DLGAP2: variants seen among roughly 807,000 people sequenced by gnomAD.
DLGAP2 encodes DLG associated protein 2.
Under a neutral mutation model 100.3 loss-of-function variants are expected in DLGAP2, and 26 were observed. The ratio of observed to expected loss-of-function variants is 0.26; its 90% CI spans 0.19 to 0.36. The LOEUF is 0.36. DLGAP2 is among the 10% of genes least tolerant of loss of function. The probability of loss-of-function intolerance (pLI) is 1.00; values close to 1 mark genes in which losing one functional copy is unlikely to be tolerated. For missense variants in DLGAP2, 1,858 were observed against 1,453.2 expected (o/e 1.28, Z -4.53); for synonymous variants, 886 against 630.1 (o/e 1.41, Z -6.08).
intron 6 of DLGAP2, among the ~76,000 whole-genome samples, chr8:1,591,350 G>A (rs1796284803): frequency 6.6e-6 from 1 of 152,190 alleles, no homozygotes; most frequent in South Asian, 2.1e-4. Flanking sequence ...GAGGATGGAG[G>A]AGAAAGAAGG....
At chr8:1,159,231 C>T (rs1167404256) in intron 2 of DLGAP2, among the ~76,000 whole-genome samples, 3 of 152,206 alleles carry the variant, frequency 2.0e-5, no homozygotes, top group African/African-American at 7.2e-5. Context: ...TGTTTTGGTT[C>T]TTGTTCCATC....
chr8:886,139 C>T (rs1213664038), intron 1 of DLGAP2, among the ~76,000 whole-genome samples: 5 of 152,108 alleles, frequency 3.3e-5, no homozygotes, highest in African/African-American at 1.2e-4. Context: ...AGGGTATATG[C>T]ATCCAGGAAT....
At chr8:1,448,748 C>G (rs907687218) in intron 3 of DLGAP2, among the ~76,000 whole-genome samples, 5 of 152,204 alleles carry the variant, frequency 3.3e-5, no homozygotes, top group African/African-American at 9.6e-5. Flanking sequence ...GGAGACCCAA[C>G]ATTTTTGTTC....
At chr8:1,627,780 G>C (rs1002095479) in intron 7 of DLGAP2, among the ~76,000 whole-genome samples, 14 of 151,988 alleles carry the variant, frequency 9.2e-5, no homozygotes, top group Admixed American at 2.0e-4. Flanking sequence ...CTGTGGAGCA[G>C]GGATTAAGAG....
At chr8:1,507,793 C>G (rs569030361) in intron 4 of DLGAP2, among the ~76,000 whole-genome samples, 1 of 150,922 alleles carries the variant, frequency 6.6e-6, no homozygotes, top group Non-Finnish European at 1.5e-5. Context: ...CCCTCCTTCA[C>G]CCACCACCCT....
chr8:997,971 G>GCATACACGCATA (rs71528630), intron 2 of DLGAP2, among the ~76,000 whole-genome samples: 4 of 151,902 alleles, frequency 2.6e-5, no homozygotes, highest in African/African-American at 9.7e-5. Context: ...ATACACGCAT[G>GCATACACGCATA]CATGTACATG....
chr8:1,321,983 A>T (rs1052967738), intron 3 of DLGAP2, among the ~76,000 whole-genome samples: 3 of 152,216 alleles, frequency 2.0e-5, no homozygotes, highest in Non-Finnish European at 4.4e-5. Flanking sequence ...TTAAGCCCTG[A>T]AGCGTGCTTA....
intron 3 of DLGAP2, among the ~76,000 whole-genome samples, chr8:1,287,777 GTGTCTGTGTGTA>G (rs1283759083): frequency 6.4e-5 from 3 of 47,214 alleles, no homozygotes; most frequent in African/African-American, 9.8e-5. Flanking sequence ...GTGTGTGTGT[GTGTCTGTGTGTA>G]TGTGTGTGTG....
chr8:1,154,108 C>G (rs1471360637), intron 2 of DLGAP2, among the ~76,000 whole-genome samples: 1 of 152,126 alleles, frequency 6.6e-6, no homozygotes, highest in Non-Finnish European at 1.5e-5. Flanking sequence ...AATGTGCATA[C>G]ATGGATATGC....
At chr8:1,232,037 C>T (rs1466130545) in intron 2 of DLGAP2, among the ~76,000 whole-genome samples, 1 of 152,188 alleles carries the variant, frequency 6.6e-6, no homozygotes, top group Non-Finnish European at 1.5e-5. Flanking sequence ...CTGTGGGAAT[C>T]TGAAAGTACC....
intron 6 of DLGAP2, among the ~76,000 whole-genome samples, chr8:1,603,855 C>T (rs1321381012): frequency 6.6e-6 from 1 of 152,124 alleles, no homozygotes; most frequent in African/African-American, 2.4e-5. Flanking sequence ...AGGAGACCAC[C>T]GTTCAATATT....
chr8:1,520,193 G>C (rs1800540613), intron 4 of DLGAP2, among the ~76,000 whole-genome samples: 1 of 152,198 alleles, frequency 6.6e-6, no homozygotes, highest in South Asian at 2.1e-4. Flanking sequence ...CTATCGATGG[G>C]GTGTCCACAA....
In DLGAP2 at chr8:1,384,412, A is replaced by G. The variant is rs1361835860; in HGVS notation, c.107-116954A>G. Reference sequence around the variant, plus strand: ...GCCCCTGAGAACTTGGTGCTCAGTTACCCCGGCCTGTGCCCGGCCCCTGAG... The same window carrying G: ...GCCCCTGAGAACTTGGTGCTCAGTTGCCCCGGCCTGTGCCCGGCCCCTGAG... On this transcript the variant is annotated intron_variant, in intron 3 of 14. Coordinates refer to ENST00000637795, the MANE Select transcript of DLGAP2 (RefSeq NM_001346810.2). Among the ~76,000 whole-genome samples the G allele has an allele frequency of 1.8e-4, 17 of 92,540 alleles. 2 individuals carry two copies. The highest frequency in any genetic ancestry group is 6.7e-4 in the African/African-American group (17 of 25,550). The allele number at this position is 92,540 out of a possible 152,430, so 60.7% of individuals were successfully genotyped here. A position where few individuals can be genotyped will look rare whatever the true frequency, so the allele number is the denominator to read the frequency against.
At chr8:881,682 C>G (rs542657116) in intron 1 of DLGAP2, among the ~76,000 whole-genome samples, 1 of 51,828 alleles carries the variant, frequency 1.9e-5, no homozygotes, top group African/African-American at 6.2e-5. Flanking sequence ...CACACACACA[C>G]TTTTTTTTTT....
chr8:1,058,267 A>G (rs1802943578), intron 2 of DLGAP2, among the ~76,000 whole-genome samples: 3 of 151,998 alleles, frequency 2.0e-5, no homozygotes, highest in Admixed American at 2.0e-4. Flanking sequence ...TCTTTTGGAG[A>G]TGTTGCTTTA....
intron 3 of DLGAP2, among the ~76,000 whole-genome samples, chr8:1,293,830 T>C (rs1800112459): frequency 6.7e-6 from 1 of 148,832 alleles, no homozygotes; most frequent in African/African-American, 2.4e-5. Flanking sequence ...TTAGTATTTC[T>C]TTCTATCTGT....
intron 3 of DLGAP2, chr8:1,259,860 TG>T (rs1272421551): frequency 6.6e-6 from 1 of 152,246 alleles, no homozygotes; most frequent in East Asian, 1.9e-4. Flanking sequence ...TTCCCTTATT[TG>T]GTGGTTAAGG....
chr8:1,421,167 G>A (rs1237619228), intron 3 of DLGAP2, among the ~76,000 whole-genome samples: 1 of 152,178 alleles, frequency 6.6e-6, no homozygotes, highest in African/African-American at 2.4e-5. Flanking sequence ...TAATAAACAG[G>A]AAGCCGAGCT....
intron 1 of DLGAP2, among the ~76,000 whole-genome samples, chr8:808,023 A>G (rs1796300937): frequency 6.6e-6 from 1 of 152,136 alleles, no homozygotes; most frequent in Non-Finnish European, 1.5e-5. Context: ...AAGGCAGAAG[A>G]TCTATGGTGA....
Sources: allele counts gnomAD v4.1 joint callset (sites outside exome capture counted in the v4.1 genomes callset), GRCh38; gene constraint gnomAD v4.1.1; transcripts MANE v1.5; gene names NCBI Gene and HGNC (gene_info 2026-07-23, HGNC 2026-07-21).